The following RAD9B variants were observed in gnomAD, a reference collection of about 807,000 sequenced individuals.
RAD9B encodes the protein cell cycle checkpoint control protein RAD9B.
A neutral mutation model predicts 48.3 loss-of-function variants in RAD9B; 41 were observed. The observed-to-expected ratio is 0.85, with a 90% CI of 0.66 to 1.10. RAD9B has a LOEUF of 1.10. Ranked by LOEUF, RAD9B falls within the 50% of genes least tolerant of loss-of-function variation. The pLI is 0.00. For synonymous variants in RAD9B, 160 were observed against 157.9 expected (o/e 1.01, Z -0.10); for missense variants, 444 against 485.1 (o/e 0.92, Z 0.80).
chr12:110,518,712 G>C lies in RAD9B; in HGVS notation c.632G>C (p.Gly211Ala). The C allele has an allele frequency of 1.2e-6, 2 of 1,611,090 alleles. No homozygotes were observed. Among genetic ancestry groups the C allele is most frequent in the Non-Finnish European group, 1.7e-6 (2 of 1,178,012 alleles). ...SNAVHSEMFV[G>A]SDEFDFFQIG... ...GCTGTACACAGTGAGATGTTTGTTG[G>C]CTCAGATGAGTTTGACTTCTTTCAA... is the stretch of plus-strand genomic sequence containing the variant. Residue 211 changes from glycine to alanine, a missense_variant, in exon 7 of 11, where the codon GGC (glycine) becomes GCC (alanine). Physicochemically the swap from Gly to Ala is moderately conservative, Grantham distance 60 (BLOSUM62 0). Coordinates refer to ENST00000409300, the MANE Select transcript of RAD9B (RefSeq NM_001286535.2).
intron 4 of RAD9B, among the ~76,000 whole-genome samples, chr12:110,509,928 C>T (rs915863582): frequency 6.6e-6 from 1 of 152,138 alleles, no homozygotes; most frequent in East Asian, 1.9e-4. Context: ...GTCCCATGTG[C>T]ATCTATTACC....
At chr12:110,507,761 C>T (rs142402461) in intron 4 of RAD9B, among the ~76,000 whole-genome samples, 8,185 of 151,002 alleles carry the variant, frequency 0.054, 312 homozygotes, top group African/African-American at 0.11. Context: ...AGCAATTCTC[C>T]TGCCTCAGCC....
At chr12:110,526,481 C>T (rs975773954) in intron 10 of RAD9B, among the ~76,000 whole-genome samples, 2 of 152,200 alleles carry the variant, frequency 1.3e-5, no homozygotes, top group African/African-American at 2.4e-5. Flanking sequence ...TCTCATATAG[C>T]ACCACAAACA....
In RAD9B at chr12:110,531,619, G is replaced by A. The variant is rs1242727731; in HGVS notation, c.*966G>A. Reference sequence around the variant, plus strand: ...AATGGAAGTGATGCCAAATATTTCTGTATTATCTGACATAGAACAGTATCC... The same window carrying A: ...AATGGAAGTGATGCCAAATATTTCTATATTATCTGACATAGAACAGTATCC... On this transcript the variant is annotated 3_prime_UTR_variant, in exon 11 of 11. Transcript: ENST00000409300. 1.2e-6 allele frequency: 2 copies of A among 1,611,294 alleles called. No individual in the cohort carries two copies. The highest frequency in any genetic ancestry group is 2.7e-5 in the African/African-American group (2 of 74,890).
chr12:110,509,085 C>G (rs1033388395), intron 4 of RAD9B, among the ~76,000 whole-genome samples: 1 of 152,174 alleles, frequency 6.6e-6, no homozygotes, highest in Admixed American at 6.5e-5. Flanking sequence ...CTGCCTCAGC[C>G]TCTCGAGTAG....
Position 110,533,059 on chromosome 12 carries a change from T to C in RAD9B, c.*2406T>C, listed in dbSNP as rs1401581942. 6.6e-6 allele frequency among the ~76,000 whole-genome samples: 1 copy of C among 152,198 alleles called. No individual in the cohort carries two copies. Among genetic ancestry groups the C allele is most frequent in the Non-Finnish European group, 1.5e-5 (1 of 68,036 alleles). On this transcript the variant is annotated 3_prime_UTR_variant, in exon 11 of 11. Transcript: ENST00000409300. ...TTTACATTTAATTGTCCGTCCATTT[T>C]GATGAATTTCTGAGGAAGCTAAACT...
rs2064184603 is a variant in RAD9B, at chr12:110,533,412, T to C, written c.*2759T>C. On this transcript the variant is annotated 3_prime_UTR_variant, in exon 11 of 11. Transcript: ENST00000409300. ...ACAGAAAAAAAGCAGCTCATTAGTA[T>C]ACACACAGATTCTAATTTGCTTCAT... 6.6e-6 allele frequency: 1 copy of C among 152,212 alleles called. No individual in the cohort carries two copies. Among genetic ancestry groups the C allele is most frequent in the Non-Finnish European group, 1.5e-5 (1 of 68,036 alleles). The allele number at this position is 152,212 out of a possible 1,614,324, so 9.4% of individuals were successfully genotyped here.
chr12:110,530,881 G>A lies in RAD9B; in HGVS notation c.*228G>A. On this transcript the variant is annotated 3_prime_UTR_variant, in exon 11 of 11. Transcript: ENST00000409300. ...ATTATGCTACTTGTGAGGCAGAAGA[G>A]TTTTCTGTGAAGGAAAAAAGCCCAT... 8.0e-7 allele frequency: 1 copy of A among 1,257,206 alleles called. No individual in the cohort carries two copies. The highest frequency in any genetic ancestry group is 3.6e-5 in the Admixed American group (1 of 27,812). 77.9% of individuals were successfully genotyped at this position (1,257,206 alleles called of 1,614,324 possible).
intron 4 of RAD9B, among the ~76,000 whole-genome samples, chr12:110,509,126 G>A (rs1260755947): frequency 1.3e-5 from 2 of 151,882 alleles, no homozygotes; most frequent in South Asian, 2.1e-4. Context: ...CACCATGCCC[G>A]GCTAACTTTT....
At chr12:110,511,576 G>A (rs1279786840) in intron 4 of RAD9B, 1 of 413,246 alleles carries the variant, frequency 2.4e-6, no homozygotes, top group African/African-American at 2.0e-5. Flanking sequence ...GCTGGTAATG[G>A]TGTGTGGGTG....
intron 4 of RAD9B, among the ~76,000 whole-genome samples, chr12:110,506,919 G>A (rs918515687): frequency 2.6e-5 from 4 of 151,004 alleles, no homozygotes; most frequent in African/African-American, 4.9e-5. Context: ...AGCTCACTGC[G>A]ACCTCCACCT....
Position 110,530,785 on chromosome 12 carries a change from C to G in RAD9B, c.*132C>G. ...TTTAATGGAGGATGGGCTTTTAAACCACATCATCTTGTACAACAACCATAT... is the reference window on the plus strand; with the variant it reads ...TTTAATGGAGGATGGGCTTTTAAACGACATCATCTTGTACAACAACCATAT... On this transcript the variant is annotated 3_prime_UTR_variant, in exon 11 of 11. Coordinates refer to ENST00000409300, the MANE Select transcript of RAD9B (RefSeq NM_001286535.2). 6.8e-7 allele frequency: 1 copy of G among 1,479,480 alleles called. No homozygotes were observed. The highest frequency in any genetic ancestry group is 8.9e-7 in the Non-Finnish European group (1 of 1,119,984). The allele number at this position is 1,479,480 out of a possible 1,614,324, so 91.6% of individuals were successfully genotyped here. A position where few individuals can be genotyped will look rare whatever the true frequency, so the allele number is the denominator to read the frequency against.
intron 1 of RAD9B, chr12:110,503,583 G>C (rs1425530187): frequency 2.0e-6 from 1 of 501,120 alleles, no homozygotes; most frequent in African/African-American, 2.0e-5. Context: ...ACAAATTTCG[G>C]TCAATTTTAT....
chr12:110,530,464 A>G (rs1593127576), intron 10 of RAD9B, 61 bp from the exon 11 acceptor site: 1 of 1,529,960 alleles, frequency 6.5e-7, no homozygotes, highest in South Asian at 1.1e-5. Flanking sequence ...TGTCACCTGG[A>G]GCATTTAATG....
chr12:110,530,426 T>C, intron 10 of RAD9B, 99 bp from the exon 11 acceptor site: 2 of 1,064,102 alleles, frequency 1.9e-6, no homozygotes, highest in South Asian at 2.8e-5. Flanking sequence ...GACAGGGATA[T>C]AATACTGGTC....
chr12:110,516,366 TGTGA>T (rs2063599942), intron 6 of RAD9B, among the ~76,000 whole-genome samples: 3 of 152,148 alleles, frequency 2.0e-5, no homozygotes. Flanking sequence ...AACTGTCCCT[TGTGA>T]GTAGCTTTCT....
chr12:110,502,461 T>G, intron 1 of RAD9B, 78 bp downstream of exon 1: 1 of 1,532,488 alleles, frequency 6.5e-7, no homozygotes, highest in Non-Finnish European at 8.9e-7. Context: ...CATTGTCTAA[T>G]TTTTCCTCTT....
At chr12:110,521,570 T>C (rs963827986) in intron 9 of RAD9B, among the ~76,000 whole-genome samples, 3 of 150,838 alleles carry the variant, frequency 2.0e-5, no homozygotes, top group Non-Finnish European at 4.4e-5. Context: ...TTTTTTTTTT[T>C]TTTTGAGTCA....
intron 4 of RAD9B, among the ~76,000 whole-genome samples, chr12:110,511,185 A>G (rs2063447898): frequency 6.6e-6 from 1 of 152,190 alleles, no homozygotes; most frequent in Admixed American, 6.5e-5. Context: ...ATTTCTTAAA[A>G]AACTAAAAAT....
Sources: gnomAD v4.1 joint callset for allele counts (sites outside exome capture counted in the v4.1 genomes callset) on GRCh38, gnomAD v4.1.1 for gene constraint, MANE v1.5 for transcripts, NCBI Gene and HGNC (gene_info 2026-07-23, HGNC 2026-07-21) for gene names.